PTCHD4: variants seen among roughly 807,000 people sequenced by gnomAD.
PTCHD4 encodes the protein patched domain-containing protein 4.
A neutral mutation model predicts 58.1 loss-of-function variants in PTCHD4; 33 were observed. The observed-to-expected ratio is 0.57, with a 90% confidence interval of 0.43 to 0.76. The LOEUF (loss-of-function observed/expected upper bound fraction) is 0.76. Among genes scored for constraint, PTCHD4 ranks in the 30% least tolerant of loss-of-function variants. The pLI, the probability that PTCHD4 is intolerant of heterozygous loss-of-function variation, is 0.00. For missense variants in PTCHD4, 1,058 were observed against 1,027.1 expected, an observed-to-expected ratio of 1.03 and a Z score of -0.41; for synonymous variants, 478 against 409.6, an observed-to-expected ratio of 1.17 and a Z score of -2.02.
At position 47,861,195 on chromosome 6, in the gene PTCHD4, T is replaced by G. The variant is rs1023480939; in HGVS notation, c.*17108A>C. Among the ~76,000 whole-genome samples, 1 of 151,984 alleles carries G rather than the reference T, an allele frequency of 6.6e-6. No individual in the cohort carries two copies. The highest frequency in any genetic ancestry group is 1.5e-5 in the Non-Finnish European group (1 of 67,926). On this transcript the variant is annotated 3_prime_UTR_variant, in exon 5 of 5. Transcript: ENST00000339488. ...TAAACTACTTAGTCCTGATTTTTCT[T>G]TAGGCCATCCTTCTAAATATGTCTT...
chr6:47,879,196 A>AG lies in PTCHD4; in HGVS notation c.1638dup (p.Trp547LeufsTer18), dbSNP rs773876016. 1 of 1,612,690 alleles carries AG rather than the reference A, an allele frequency of 6.2e-7. No homozygotes were observed. The highest frequency in any genetic ancestry group is 8.5e-7 in the Non-Finnish European group (1 of 1,179,686). ...AGGAACTGGTAGTACTGCTCCACCC[A>AG]GGACACTGCAGTGAATCCACTACAG... On this transcript the variant is annotated frameshift_variant, in exon 5 of 5. Transcript: ENST00000339488. LOFTEE classifies it high-confidence loss of function.
At position 48,032,482 on chromosome 6, in the gene PTCHD4, T is replaced by G. The variant is rs553899328; in HGVS notation, c.418-23368A>C. Among the ~76,000 whole-genome samples, 3 of 152,004 alleles carry G rather than the reference T, an allele frequency of 2.0e-5. No homozygotes were observed. In the South Asian group the frequency reaches 6.2e-4, roughly 32 times the overall value. On this transcript the variant is annotated intron_variant, in intron 3 of 4. Coordinates refer to ENST00000339488, the MANE Select transcript of PTCHD4 (RefSeq NM_001384253.1). The stretch of plus-strand genomic sequence containing the variant: ...TGTGTTTATGTAGTGGGAAGGGACA[T>G]TTCCAAAATTCTAACTTAATATGAC...
Position 47,879,531 on chromosome 6 carries a change from G to A in PTCHD4, c.1304C>T (p.Thr435Met), listed in dbSNP as rs370719620. The A allele has an allele frequency of 6.8e-6, 11 of 1,613,612 alleles. No individual in the cohort carries two copies. The highest frequency in any genetic ancestry group is 5.3e-5 in the African/African-American group (4 of 74,866). Residue 435 changes from threonine to methionine, a missense_variant, in exon 5 of 5, where the codon ACG becomes ATG. Transcript: ENST00000339488. ...AATGAAGTGGTGCTGGTAGGGGTTCGTCTCATGATGGGACGTCTGTTGATG... is the reference window on the plus strand; with the variant it reads ...AATGAAGTGGTGCTGGTAGGGGTTCATCTCATGATGGGACGTCTGTTGATG... ...DGHQQTSHHE[T>M]NPYQHHFIQH... is the part of the protein sequence containing the mutation.
At chr6:48,015,237 C>T (rs1381624695) in intron 3 of PTCHD4, among the ~76,000 whole-genome samples, 1 of 151,972 alleles carries the variant, frequency 6.6e-6, no homozygotes, top group Admixed American at 6.6e-5. Context: ...TGGTTCCTAG[C>T]TCATATCCCT....
At chr6:48,087,335 T>C (rs1367983229) in intron 1 of PTCHD4, among the ~76,000 whole-genome samples, 3 of 152,234 alleles carry the variant, frequency 2.0e-5, no homozygotes, top group Middle Eastern at 3.2e-3. Flanking sequence ...TATTTAGTAG[T>C]TGTTTTTTCC....
At chr6:47,959,735 G>A (rs1245071309) in intron 4 of PTCHD4, among the ~76,000 whole-genome samples, 1 of 151,830 alleles carries the variant, frequency 6.6e-6, no homozygotes, top group Non-Finnish European at 1.5e-5. Flanking sequence ...AAAAACAAAA[G>A]TGAGAAGATA....
intron 4 of PTCHD4, among the ~76,000 whole-genome samples, chr6:47,955,870 C>T (rs1436338007): frequency 1.3e-5 from 2 of 152,148 alleles, no homozygotes; most frequent in Admixed American, 6.5e-5. Context: ...GGAGGCCTGT[C>T]CTGTTCCTTT....
In PTCHD4 at chr6:47,878,550, G is replaced by C. The variant is rs1427630356; in HGVS notation, c.2285C>G (p.Ser762Cys). The change falls in exon 5 of 5, where the codon TCT becomes TGT. Residue 762 changes from serine to cysteine, a missense_variant. Ser to Cys is a moderately radical substitution (Grantham distance 112). Coordinates refer to ENST00000339488, the MANE Select transcript of PTCHD4 (RefSeq NM_001384253.1). ...HGTAILQNVT[S>C]FLIGLVPLLF... ...AAGGGGGACTAACCCAATAAGAAAA[G>C]AAGTAACATTTTGCAAAATGGCTGT... 6.2e-7 allele frequency: 1 copy of C among 1,613,540 alleles called. No homozygotes were observed. The highest frequency in any genetic ancestry group is 1.1e-5 in the South Asian group (1 of 91,072).
intron 3 of PTCHD4, among the ~76,000 whole-genome samples, chr6:48,013,233 T>G: frequency 6.6e-6 from 1 of 152,140 alleles, no homozygotes; most frequent in East Asian, 1.9e-4. Flanking sequence ...TGGTAGGCTC[T>G]TAATTACTGC....
chr6:47,944,761 T>G (rs1766353936), intron 4 of PTCHD4, among the ~76,000 whole-genome samples: 2 of 152,228 alleles, frequency 1.3e-5, no homozygotes, highest in East Asian at 3.9e-4. Context: ...AACAAGCATT[T>G]ATTGAAGACC....
chr6:47,871,349 A>C lies in PTCHD4; in HGVS notation c.*6954T>G, dbSNP rs1485745185. Among the ~76,000 whole-genome samples the C allele has an allele frequency of 6.6e-6, 1 of 151,658 alleles. No homozygotes were observed. Among genetic ancestry groups the C allele is most frequent in the African/African-American group, 2.4e-5 (1 of 41,378 alleles). On this transcript the variant is annotated 3_prime_UTR_variant, in exon 5 of 5. Coordinates refer to ENST00000339488, the MANE Select transcript of PTCHD4 (RefSeq NM_001384253.1). ...CCTAGAATAAACAAACAAACACCCG[A>C]ACAGATTTTTTCCTCCAAGAAAAGT... is the stretch of plus-strand genomic sequence containing the variant.
chr6:47,955,879 T>C (rs1392111904), intron 4 of PTCHD4, among the ~76,000 whole-genome samples: 1 of 152,178 alleles, frequency 6.6e-6, no homozygotes, highest in Non-Finnish European at 1.5e-5. Context: ...TCCTGTTCCT[T>C]TCCAAGTCCC....
intron 3 of PTCHD4, among the ~76,000 whole-genome samples, chr6:48,056,198 C>T (rs1178490097): frequency 6.6e-6 from 1 of 152,154 alleles, no homozygotes; most frequent in Non-Finnish European, 1.5e-5. Context: ...AAACGAGATA[C>T]AATACATATC....
chr6:48,056,746 A>C (rs965144500), intron 3 of PTCHD4, among the ~76,000 whole-genome samples: 2 of 152,134 alleles, frequency 1.3e-5, no homozygotes, highest in Admixed American at 6.6e-5. Flanking sequence ...AATATGTTTC[A>C]GTAGTCTCCT....
At chr6:48,027,219 T>C (rs956630765) in intron 3 of PTCHD4, among the ~76,000 whole-genome samples, 1 of 152,120 alleles carries the variant, frequency 6.6e-6, no homozygotes, top group Non-Finnish European at 1.5e-5. Context: ...GGCTAAGAGA[T>C]AAATAAGTGC....
intron 4 of PTCHD4, among the ~76,000 whole-genome samples, chr6:47,888,579 TAGTCTCATCCAG>T (rs989849961): frequency 4.6e-5 from 7 of 152,228 alleles, no homozygotes; most frequent in Non-Finnish European, 8.8e-5. Context: ...AAAAGACATA[TAGTCTCATCCAG>T]AGTTTGCATT....
chr6:47,963,899 C>G (rs1397089835), intron 4 of PTCHD4, among the ~76,000 whole-genome samples: 1 of 152,178 alleles, frequency 6.6e-6, no homozygotes, highest in Non-Finnish European at 1.5e-5. Context: ...GGCTCTCAAG[C>G]AAGCAAATAC....
At chr6:48,042,676 G>A (rs1763888269) in intron 3 of PTCHD4, among the ~76,000 whole-genome samples, 1 of 151,778 alleles carries the variant, frequency 6.6e-6, no homozygotes, top group South Asian at 2.1e-4. Flanking sequence ...CAATAGTTTG[G>A]TCAACTTTCC....
intron 4 of PTCHD4, among the ~76,000 whole-genome samples, chr6:47,969,235 C>CT (rs1175334510): frequency 2.0e-5 from 3 of 152,130 alleles, no homozygotes. Flanking sequence ...CATTAGGAGC[C>CT]TGTTTTATTT....
Sources: gnomAD v4.1 joint callset for allele counts (sites outside exome capture counted in the v4.1 genomes callset) on GRCh38, gnomAD v4.1.1 for gene constraint, MANE v1.5 for transcripts, NCBI Gene and HGNC (gene_info 2026-07-23, HGNC 2026-07-21) for gene names.